RGS21: variants seen among roughly 807,000 people sequenced by gnomAD.
The protein encoded by RGS21 is regulator of G protein signaling 21, also known as regulator of G-protein signalling 21.
In RGS21, 19 loss-of-function variants were observed where a neutral mutation model predicts 18.7. That is an observed-to-expected ratio of 1.01 (90% CI 0.71 to 1.49). RGS21 has a LOEUF of 1.49. Among genes scored for constraint, RGS21 ranks in the 40% most tolerant of loss-of-function variants. The pLI is 0.00. For synonymous variants in RGS21, 56 were observed against 57.8 expected, an observed-to-expected ratio of 0.97 and a Z score of 0.14; for missense variants, 194 against 176.8, an observed-to-expected ratio of 1.10 and a Z score of -0.55.
rs78478175 is a variant in RGS21 at position 192,317,446 on chromosome 1, TA to T, written c.-61+353del. On this transcript the variant is annotated intron_variant, in intron 1 of 4. Transcript: ENST00000417209. ...TAGAATTTTAAAGCTAGAAGAAATGTAAAAAAAAAAAATCTATCTCATACTT... is the reference window on the plus strand; with the variant it reads ...TAGAATTTTAAAGCTAGAAGAAATGTAAAAAAAAAAATCTATCTCATACTT... 3.8e-3 allele frequency among the ~76,000 whole-genome samples: 548 copies of T among 144,096 alleles called. 14 individuals carry two copies. The highest frequency in any genetic ancestry group is 0.024 in the Admixed American group (350 of 14,404). The allele number at this position is 144,096 out of a possible 152,430, so 94.5% of individuals were successfully genotyped here.
intron 4 of RGS21, among the ~76,000 whole-genome samples, chr1:192,358,482 G>A (rs1659139761): frequency 6.6e-6 from 1 of 151,904 alleles, no homozygotes; most frequent in South Asian, 2.1e-4. Flanking sequence ...AAAAGAATTA[G>A]GTAACCAAAA....
chr1:192,337,474 C>A (rs542286250), intron 1 of RGS21, among the ~76,000 whole-genome samples: 1 of 151,828 alleles, frequency 6.6e-6, no homozygotes, highest in East Asian at 1.9e-4. Flanking sequence ...TATTACTTAG[C>A]TTTATTAATA....
chr1:192,330,889 A>G (rs1252602251), intron 1 of RGS21, among the ~76,000 whole-genome samples: 1 of 152,238 alleles, frequency 6.6e-6, no homozygotes, highest in Non-Finnish European at 1.5e-5. Flanking sequence ...AAATGAATTC[A>G]GTTTTAAACA....
chr1:192,347,699 T>C (rs1408735528), intron 3 of RGS21, among the ~76,000 whole-genome samples: 1 of 152,090 alleles, frequency 6.6e-6, no homozygotes, highest in African/African-American at 2.4e-5. Flanking sequence ...TCTCTCTCTC[T>C]ATCAGGCTGG....
intron 4 of RGS21, among the ~76,000 whole-genome samples, chr1:192,360,371 G>A (rs1356438462): frequency 6.6e-6 from 1 of 151,926 alleles, no homozygotes; most frequent in Non-Finnish European, 1.5e-5. Context: ...CTAATATCCA[G>A]CTATTCTTAA....
intron 4 of RGS21, among the ~76,000 whole-genome samples, chr1:192,356,479 G>C (rs1358548108): frequency 2.0e-5 from 3 of 151,804 alleles, no homozygotes; most frequent in African/African-American, 7.2e-5. Context: ...TATAGAACTA[G>C]AGAAAATGGC....
At chr1:192,332,143 AAAG>A (rs1658666614) in intron 1 of RGS21, among the ~76,000 whole-genome samples, 1 of 152,150 alleles carries the variant, frequency 6.6e-6, no homozygotes, top group African/African-American at 2.4e-5. Context: ...TAAAATAATG[AAAG>A]AAGAATTCCA....
In RGS21 at chr1:192,365,051, G is replaced by A. The variant is rs144592418; in HGVS notation, c.256-870G>A. ...CTAGGGAGGCTAAGGCAGGAGAATC[G>A]CTTGAATTTGGAAGGCAAAGGTTGC... is the stretch of plus-strand genomic sequence containing the variant. On this transcript the variant is annotated intron_variant, in intron 4 of 4. Coordinates refer to ENST00000417209, the MANE Select transcript of RGS21 (RefSeq NM_001039152.3). Among the ~76,000 whole-genome samples the A allele has an allele frequency of 8.1e-3, 1,234 of 151,438 alleles. 14 individuals are homozygous for A. The highest frequency in any genetic ancestry group is 0.029 in the African/African-American group (1,189 of 41,242).
In RGS21 at chr1:192,327,485, T is replaced by G. The variant is rs138777649; in HGVS notation, c.-61+10380T>G. On this transcript the variant is annotated intron_variant, in intron 1 of 4. Transcript: ENST00000417209. The stretch of plus-strand genomic sequence containing the variant: ...TTTTTTTAATTTTTTTATTTATTTA[T>G]TTTTGAGACGGAGGTTCACTCTTGT... 1.7e-3 allele frequency among the ~76,000 whole-genome samples: 254 copies of G among 152,196 alleles called. 1 individual carries two copies. Among genetic ancestry groups the G allele is most frequent in the African/African-American group, 5.5e-3 (228 of 41,546 alleles).
intron 1 of RGS21, among the ~76,000 whole-genome samples, chr1:192,334,069 T>A (rs552378996): frequency 2.0e-5 from 3 of 152,306 alleles, no homozygotes; most frequent in African/African-American, 7.2e-5. Context: ...TCTAAAAACA[T>A]CATAATTATA....
intron 1 of RGS21, among the ~76,000 whole-genome samples, chr1:192,318,786 A>G (rs1658454244): frequency 6.6e-6 from 1 of 152,152 alleles, no homozygotes; most frequent in Non-Finnish European, 1.5e-5. Context: ...TAACACTTCC[A>G]AGAACTATTG....
chr1:192,342,720 T>G (rs1471275700), intron 1 of RGS21, among the ~76,000 whole-genome samples: 1 of 151,914 alleles, frequency 6.6e-6, no homozygotes, highest in Non-Finnish European at 1.5e-5. Flanking sequence ...ATAGTTGTCT[T>G]GCAAACAGAT....
chr1:192,317,750 A>C (rs1201992996), intron 1 of RGS21, among the ~76,000 whole-genome samples: 1 of 152,044 alleles, frequency 6.6e-6, no homozygotes, highest in African/African-American at 2.4e-5. Context: ...TATTTCAGTT[A>C]GTACTTTCAC....
rs202186651 is a variant in RGS21 at position 192,353,755 on chromosome 1, CTAAA to C, written c.255+1545_255+1548del. On this transcript the variant is annotated intron_variant, in intron 4 of 4. Coordinates refer to ENST00000417209, the MANE Select transcript of RGS21 (RefSeq NM_001039152.3). ...ATTAATTTATACTGTAATAATTTAA[CTAAA>C]TAGTGTAGCTATTATTTTGGGATAT... Among the ~76,000 whole-genome samples the C allele has an allele frequency of 4.5e-3, 684 of 151,544 alleles. 6 individuals carry two copies. Among genetic ancestry groups the C allele is most frequent in the African/African-American group, 0.015 (630 of 41,472 alleles).
At chr1:192,353,072 G>T (rs970578872) in intron 4 of RGS21, among the ~76,000 whole-genome samples, 1 of 151,956 alleles carries the variant, frequency 6.6e-6, no homozygotes, top group Non-Finnish European at 1.5e-5. Context: ...TCATACAGAG[G>T]TGAAATGCTG....
At chr1:192,325,797 T>C (rs1018059973) in intron 1 of RGS21, among the ~76,000 whole-genome samples, 9 of 152,044 alleles carry the variant, frequency 5.9e-5, no homozygotes, top group African/African-American at 2.2e-4. Flanking sequence ...AATTGGGTTG[T>C]TTTTTGCTTG....
intron 1 of RGS21, among the ~76,000 whole-genome samples, chr1:192,335,108 C>T (rs112352969): frequency 3.9e-4 from 59 of 152,196 alleles, no homozygotes; most frequent in African/African-American, 1.4e-3. Flanking sequence ...TTTCATGGGT[C>T]ATCAGGATGA....
chr1:192,355,032 T>A (rs1202300515), intron 4 of RGS21, among the ~76,000 whole-genome samples: 1 of 151,664 alleles, frequency 6.6e-6, no homozygotes, highest in East Asian at 1.9e-4. Flanking sequence ...CTGGATTTTA[T>A]GTCCTCTCCT....
At chr1:192,339,696 C>T (rs949013066) in intron 1 of RGS21, among the ~76,000 whole-genome samples, 5 of 152,024 alleles carry the variant, frequency 3.3e-5, no homozygotes, top group African/African-American at 1.2e-4. Flanking sequence ...TTTGGACCAG[C>T]ATACTATACT....
Sources: gnomAD v4.1 joint callset for allele counts (sites outside exome capture counted in the v4.1 genomes callset) on GRCh38, gnomAD v4.1.1 for gene constraint, MANE v1.5 for transcripts, NCBI Gene and HGNC (gene_info 2026-07-23, HGNC 2026-07-21) for gene names.